Variants in GRHL2 observed in about 807,000 individuals in gnomAD.
GRHL2 encodes grainyhead like transcription factor 2.
A neutral mutation model predicts 83.8 loss-of-function variants in GRHL2; 21 were observed. That is an observed-to-expected ratio of 0.25 (90% CI 0.18 to 0.36). The LOEUF is 0.36. GRHL2 is among the 10% of genes least tolerant of loss of function. The probability of loss-of-function intolerance (pLI) is 1.00; values close to 1 mark genes in which losing one functional copy is unlikely to be tolerated. For missense variants in GRHL2, 623 were observed against 781.8 expected (o/e 0.80, Z 2.42); for synonymous variants, 280 against 278.9 (o/e 1.00, Z -0.04).
chr8:101,499,981 C>A (rs1810189976), intron 1 of GRHL2, among the ~76,000 whole-genome samples: 1 of 152,082 alleles, frequency 6.6e-6, no homozygotes, highest in Non-Finnish European at 1.5e-5. Flanking sequence ...GAGGCTGAGG[C>A]AGGAGAATCG....
chr8:101,509,285 A>G (rs1160552971), intron 1 of GRHL2, among the ~76,000 whole-genome samples: 5 of 143,572 alleles, frequency 3.5e-5, no homozygotes, highest in African/African-American at 5.1e-5. Context: ...TTGGTTGTTT[A>G]TCTAAATAGT....
At chr8:101,605,299 C>T (rs1298749905) in intron 8 of GRHL2, among the ~76,000 whole-genome samples, 7 of 152,144 alleles carry the variant, frequency 4.6e-5, no homozygotes, top group Non-Finnish European at 5.9e-5. Context: ...TATTACCTCT[C>T]AACATATCAG....
At position 101,558,804 on chromosome 8, in the gene GRHL2, G is replaced by A; in HGVS notation, c.670G>A (p.Ala224Thr). The change falls in exon 4 of 16, where the codon GCC becomes ACC. Residue 224 changes from alanine to threonine, a missense_variant. Ala to Thr is a moderately conservative substitution (Grantham distance 58, BLOSUM62 0). Coordinates refer to ENST00000646743, the MANE Select transcript of GRHL2 (RefSeq NM_024915.4). ...ATACAGCGAGAGCTTCAAGGACGCAGCCACAGAGGTGAGTCCCAGGCTCCA... is the reference window on the plus strand; with the variant it reads ...ATACAGCGAGAGCTTCAAGGACGCAACCACAGAGGTGAGTCCCAGGCTCCA... ...STYSESFKDA[A>T]TEKFRSASVG... The A allele has an allele frequency of 1.9e-6, 3 of 1,614,006 alleles. No homozygotes were observed. Among genetic ancestry groups the A allele is most frequent in the Non-Finnish European group, 2.5e-6 (3 of 1,179,964 alleles).
At chr8:101,618,268 C>T (rs1812894508) in intron 8 of GRHL2, among the ~76,000 whole-genome samples, 1 of 152,110 alleles carries the variant, frequency 6.6e-6, no homozygotes, top group Non-Finnish European at 1.5e-5. Context: ...CTCTTCTTAC[C>T]AATATTTTAT....
downstream of GRHL2, among the ~76,000 whole-genome samples, chr8:101,673,791 G>C (rs1284147348): frequency 6.6e-6 from 1 of 151,782 alleles, no homozygotes; most frequent in Non-Finnish European, 1.5e-5. Context: ...TTCCAAAATT[G>C]ACCACATAAT....
intron 1 of GRHL2, among the ~76,000 whole-genome samples, chr8:101,534,319 A>G (rs1266859311): frequency 2.0e-5 from 3 of 151,980 alleles, no homozygotes; most frequent in Non-Finnish European, 1.5e-5. Context: ...TACTAGGCTC[A>G]CTCACCTGGT....
At chr8:101,530,066 G>T (rs1192819240) in intron 1 of GRHL2, among the ~76,000 whole-genome samples, 1 of 152,220 alleles carries the variant, frequency 6.6e-6, no homozygotes, top group East Asian at 1.9e-4. Flanking sequence ...GTTGTAGTTA[G>T]TTCCATTGGG....
chr8:101,584,174 A>T (rs766491653), intron 7 of GRHL2, among the ~76,000 whole-genome samples: 20 of 152,206 alleles, frequency 1.3e-4, no homozygotes, highest in Non-Finnish European at 1.2e-4. Context: ...AGGATTTATT[A>T]GTTACATTAT....
intron 9 of GRHL2, among the ~76,000 whole-genome samples, chr8:101,623,316 A>G (rs1277425627): frequency 8.5e-5 from 13 of 152,260 alleles, no homozygotes; most frequent in Non-Finnish European, 2.9e-5. Flanking sequence ...GGACAGTAGG[A>G]CAGTACACAG....
rs1241773797 is a variant in GRHL2 at position 101,558,753 on chromosome 8, G to T, written c.619G>T (p.Asp207Tyr). The T allele has an allele frequency of 6.2e-7, 1 of 1,614,026 alleles. No individual in the cohort carries two copies. Among genetic ancestry groups the T allele is most frequent in the Non-Finnish European group, 8.5e-7 (1 of 1,180,008 alleles). ...LATHSAYLKD[D>Y]QRSTPDSTYS... is the part of the protein sequence containing the mutation. ...CACCCACAGCGCCTATCTCAAAGAC[G>T]ACCAGCGCAGCACTCCGGACAGCAC... Residue 207 changes from aspartate (D) to tyrosine (Y), a missense_variant, in exon 4 of 16, where the codon GAC becomes TAC. Physicochemically the swap from Asp to Tyr is radical, Grantham distance 160. Around this residue, in one of 8 missense-constraint regions of GRHL2, gnomAD observed 239 missense variants for 240.5 expected, o/e 0.99. Transcript: ENST00000646743.
chr8:101,625,355 A>C (rs1435090789), intron 9 of GRHL2, among the ~76,000 whole-genome samples: 1 of 152,102 alleles, frequency 6.6e-6, no homozygotes. Context: ...AATAATAAGA[A>C]AAACAAAGAA....
chr8:101,584,080 G>T (rs572465657), intron 7 of GRHL2, among the ~76,000 whole-genome samples: 36 of 152,118 alleles, frequency 2.4e-4, no homozygotes, highest in Non-Finnish European at 4.9e-4. Context: ...TTGACACAAG[G>T]TTGTAGTTAA....
At chr8:101,654,944 A>T (rs868775178) in intron 14 of GRHL2, among the ~76,000 whole-genome samples, 16 of 152,132 alleles carry the variant, frequency 1.1e-4, no homozygotes, top group African/African-American at 3.9e-4. Context: ...ACACTTTGGG[A>T]GGTTGAGGCG....
Position 101,598,111 on chromosome 8 carries a change from A to G in GRHL2, c.1004-946A>G, listed in dbSNP as rs972721971. Among the ~76,000 whole-genome samples, 17 of 152,292 alleles carry G rather than the reference A, an allele frequency of 1.1e-4. 1 individual carries two copies. The highest frequency in any genetic ancestry group is 3.4e-3 in the Middle Eastern group (1 of 294). The stretch of plus-strand genomic sequence containing the variant: ...AATATATATAAACACATTTATAGCT[A>G]TTGCATTTGTGGGAAGGATAATAGG... On this transcript the variant is annotated intron_variant, in intron 7 of 15. Coordinates refer to ENST00000646743, the MANE Select transcript of GRHL2 (RefSeq NM_024915.4).
intron 14 of GRHL2, among the ~76,000 whole-genome samples, chr8:101,663,614 A>AAATAAAT (rs1813972261): frequency 7.5e-6 from 1 of 133,868 alleles, no homozygotes; most frequent in African/African-American, 3.0e-5. Flanking sequence ...TCCATCTCAA[A>AAATAAAT]AAATAAATAA....
chr8:101,588,712 C>CA (rs764302215), intron 7 of GRHL2, among the ~76,000 whole-genome samples: 13 of 152,200 alleles, frequency 8.5e-5, no homozygotes, highest in Non-Finnish European at 1.6e-4. Context: ...TGCCAATTAC[C>CA]AAAAAGTTAT....
At chr8:101,659,536 G>T (rs1015100539) in intron 14 of GRHL2, among the ~76,000 whole-genome samples, 1 of 152,210 alleles carries the variant, frequency 6.6e-6, no homozygotes, top group Non-Finnish European at 1.5e-5. Flanking sequence ...AATGGGGAAG[G>T]TAGTGAGCTG....
intron 11 of GRHL2, 159 bp from the exon 12 acceptor site, chr8:101,636,724 TACACACACACACAC>T (rs3029438): frequency 1.2e-3 from 559 of 483,668 alleles, no homozygotes; most frequent in South Asian, 2.5e-3. Flanking sequence ...TCCTTAGAAA[TACACACACACACAC>T]ACACACACAC....
chr8:101,570,475 C>G (rs768369153), intron 5 of GRHL2, 81 bp downstream of exon 5: 58 of 1,161,052 alleles, frequency 5.0e-5, no homozygotes, highest in Non-Finnish European at 7.6e-5. Flanking sequence ...ACCTTTAAAC[C>G]TTTTTTCTTT....
Sources: gnomAD v4.1 joint callset for allele counts (sites outside exome capture counted in the v4.1 genomes callset) on GRCh38, gnomAD v4.1.1 for gene constraint, gnomAD v4.1.1 regional missense constraint, MANE v1.5 for transcripts, NCBI Gene and HGNC (gene_info 2026-07-23, HGNC 2026-07-21) for gene names.